The following PRDM16 variants were observed in gnomAD, a reference collection of about 807,000 sequenced individuals.
The protein encoded by PRDM16 is histone-lysine N-methyltransferase PRDM16.
A neutral mutation model predicts 110.6 loss-of-function variants in PRDM16; 23 were observed. That is an observed-to-expected ratio of 0.21 (90% CI 0.15 to 0.29). The LOEUF is 0.29. Among genes scored for constraint, PRDM16 ranks in the 10% least tolerant of loss-of-function variants. The pLI, the probability that PRDM16 is intolerant of heterozygous loss-of-function variation, is 1.00. For synonymous variants in PRDM16, 799 were observed against 781.8 expected, an observed-to-expected ratio of 1.02 and a Z score of -0.37; for missense variants, 1,615 against 1,794.3, an observed-to-expected ratio of 0.90 and a Z score of 1.81.
chr1:3,210,921 CCATT>C (rs1638869528), intron 2 of PRDM16, among the ~76,000 whole-genome samples: 1 of 152,080 alleles, frequency 6.6e-6, no homozygotes, highest in Admixed American at 6.5e-5. Context: ...ATTTGTTCAT[CCATT>C]CATAGATATG....
intron 3 of PRDM16, among the ~76,000 whole-genome samples, chr1:3,349,858 C>T (rs747709992): frequency 2.6e-5 from 4 of 152,212 alleles, no homozygotes; most frequent in African/African-American, 4.8e-5. Context: ...CTCCGCAGCC[C>T]CCGCAGCCTC....
chr1:3,264,534 C>T (rs72632128), intron 3 of PRDM16, among the ~76,000 whole-genome samples: 39 of 146,722 alleles, frequency 2.7e-4, no homozygotes, highest in Non-Finnish European at 5.1e-4. Context: ...AACCCCGGGC[C>T]AGGAGGGAGG....
At chr1:3,408,808 G>A (rs1437122684) in intron 8 of PRDM16, among the ~76,000 whole-genome samples, 7 of 150,382 alleles carry the variant, frequency 4.7e-5, no homozygotes, top group South Asian at 2.1e-4. Flanking sequence ...GTGTGTGAGC[G>A]CGTGTGGGCG....
chr1:3,263,283 C>T (rs2455105), intron 3 of PRDM16, among the ~76,000 whole-genome samples: 33,483 of 152,182 alleles, frequency 0.22, 4,607 homozygotes, highest in African/African-American at 0.35. Context: ...CCGCCCCGCC[C>T]GGCTTTGTCA....
chr1:3,377,392 C>G (rs1396772998), intron 3 of PRDM16, among the ~76,000 whole-genome samples: 1 of 152,218 alleles, frequency 6.6e-6, no homozygotes, highest in Non-Finnish European at 1.5e-5. Flanking sequence ...CGGCGGCTGG[C>G]CATGCCCACT....
At chr1:3,121,344 T>G (rs576312253) in intron 1 of PRDM16, among the ~76,000 whole-genome samples, 1 of 152,202 alleles carries the variant, frequency 6.6e-6, no homozygotes, top group East Asian at 1.9e-4. Context: ...AGAATGACAT[T>G]ATTTGTTTTT....
At chr1:3,251,324 G>GT (rs70938080) in intron 3 of PRDM16, among the ~76,000 whole-genome samples, 1 of 152,042 alleles carries the variant, frequency 6.6e-6, no homozygotes, top group African/African-American at 2.4e-5. Flanking sequence ...GTGGGGTGAG[G>GT]GCGCAGCCGT....
chr1:3,133,421 C>T (rs527339214), intron 1 of PRDM16, among the ~76,000 whole-genome samples: 22 of 152,212 alleles, frequency 1.4e-4, no homozygotes, highest in South Asian at 4.1e-4. Context: ...CTCGGCCTCC[C>T]GAAGCCACAG....
At chr1:3,288,219 T>C (rs1640900395) in intron 3 of PRDM16, among the ~76,000 whole-genome samples, 1 of 152,212 alleles carries the variant, frequency 6.6e-6, no homozygotes, top group Non-Finnish European at 1.5e-5. Flanking sequence ...AAGGCTGGCC[T>C]CTGACCCTCA....
intron 3 of PRDM16, among the ~76,000 whole-genome samples, chr1:3,269,259 C>T (rs1004644378): frequency 6.6e-6 from 1 of 152,170 alleles, no homozygotes; most frequent in Non-Finnish European, 1.5e-5. Flanking sequence ...GAACACAATC[C>T]CGGAGGAGGA....
intron 3 of PRDM16, among the ~76,000 whole-genome samples, chr1:3,300,734 C>T (rs1243331436): frequency 6.6e-6 from 1 of 152,202 alleles, no homozygotes; most frequent in Admixed American, 6.5e-5. Context: ...GTCTTTTCCA[C>T]CTTGTACCAT....
intron 1 of PRDM16, among the ~76,000 whole-genome samples, chr1:3,116,661 C>G (rs988339182): frequency 6.6e-6 from 1 of 152,166 alleles, no homozygotes; most frequent in Admixed American, 6.5e-5. Context: ...CCTGTCACTG[C>G]GGGTCTATGC....
chr1:3,176,837 C>T (rs963477847), intron 1 of PRDM16, among the ~76,000 whole-genome samples: 1 of 150,938 alleles, frequency 6.6e-6, no homozygotes, highest in Non-Finnish European at 1.5e-5. Flanking sequence ...TTCATCCATT[C>T]ATTCATTAAC....
rs138278185 is a variant in PRDM16 at position 3,206,305 on chromosome 1, C to A, written c.387+19831C>A. The A allele has an allele frequency of 6.6e-6, 1 of 152,294 alleles. No individual in the cohort carries two copies. The highest frequency in any genetic ancestry group is 1.5e-5 in the Non-Finnish European group (1 of 68,096). 9.4% of individuals were successfully genotyped at this position (152,294 alleles called of 1,614,324 possible). A position where few individuals can be genotyped will look rare whatever the true frequency, so the allele number is the denominator to read the frequency against. Reference sequence around the variant, plus strand: ...GAGACCACCAGTGGGCCTGGACCCACGCCCTTGGGGATGAGCAAGCTCTCG... The same window carrying A: ...GAGACCACCAGTGGGCCTGGACCCAAGCCCTTGGGGATGAGCAAGCTCTCG... On this transcript the variant is annotated intron_variant, in intron 2 of 16. Coordinates refer to ENST00000270722, the MANE Select transcript of PRDM16 (RefSeq NM_022114.4). The surrounding 1 kb of genome is among the most constrained non-coding windows in gnomAD (Gnocchi z 4.9).
At chr1:3,108,705 C>T (rs546671384) in intron 1 of PRDM16, among the ~76,000 whole-genome samples, 11 of 152,264 alleles carry the variant, frequency 7.2e-5, no homozygotes, top group East Asian at 3.9e-4. Context: ...TCAAGAAGGC[C>T]GAGTGGCCCT....
Position 3,081,422 on chromosome 1 carries a change from C to T in PRDM16, c.37+12126C>T, listed in dbSNP as rs185230661. Among the ~76,000 whole-genome samples the T allele has an allele frequency of 2.3e-4, 35 of 152,278 alleles. No homozygotes were observed. Among genetic ancestry groups the T allele is most frequent in the East Asian group, 1.9e-4 (1 of 5,154 alleles). On this transcript the variant is annotated intron_variant, in intron 1 of 16. Coordinates refer to ENST00000270722, the MANE Select transcript of PRDM16 (RefSeq NM_022114.4). The surrounding 1 kb of genome is among the most constrained non-coding windows in gnomAD (Gnocchi z 4.6). The stretch of plus-strand genomic sequence containing the variant: ...GCCCATTCCTGCAGCCTGGCCCGGC[C>T]GGCCCCTGGAGAGCCCCCTCCTTGT...
At chr1:3,374,535 G>A (rs1432841645) in intron 3 of PRDM16, among the ~76,000 whole-genome samples, 2 of 152,334 alleles carry the variant, frequency 1.3e-5, no homozygotes, top group East Asian at 3.9e-4. Context: ...CCACCTAGCA[G>A]CTGGCCTGGG....
chr1:3,335,712 T>A (rs150331500), intron 3 of PRDM16, among the ~76,000 whole-genome samples: 347 of 151,818 alleles, frequency 2.3e-3, no homozygotes, highest in South Asian at 3.7e-3. Flanking sequence ...CCAGCCTTCT[T>A]CCCCGTTCTT....
intron 1 of PRDM16, among the ~76,000 whole-genome samples, chr1:3,150,127 G>C (rs902064924): frequency 6.6e-6 from 1 of 152,042 alleles, no homozygotes; most frequent in African/African-American, 2.4e-5. Flanking sequence ...CCCCCCGAAC[G>C]CACAGGCGAA....
Sources: gnomAD v4.1 joint callset for allele counts (sites outside exome capture counted in the v4.1 genomes callset) on GRCh38, gnomAD v4.1.1 for gene constraint, Gnocchi (gnomAD v3.1) non-coding constraint, MANE v1.5 for transcripts, NCBI Gene and HGNC (gene_info 2026-07-23, HGNC 2026-07-21) for gene names.